The following CSGALNACT1 variants were observed in gnomAD, a reference collection of about 807,000 sequenced individuals.
CSGALNACT1 encodes beta4GalNAcT-1.
In CSGALNACT1, 52 loss-of-function variants were observed where a neutral mutation model predicts 51.0. The observed-to-expected ratio is 1.02, with a 90% confidence interval of 0.82 to 1.29. CSGALNACT1 has a LOEUF of 1.29. Ranked by LOEUF, CSGALNACT1 falls within the 50% of genes most tolerant of loss-of-function variation. CSGALNACT1 has a pLI of 0.00. For missense variants in CSGALNACT1, 935 were observed against 679.2 expected (o/e 1.38, Z -4.19); for synonymous variants, 341 against 254.4 (o/e 1.34, Z -3.24).
Position 19,739,744 on chromosome 8 carries a change from C to G in CSGALNACT1, c.-297+18106G>C, listed in dbSNP as rs148961448. On this transcript the variant is annotated intron_variant, in intron 1 of 1. Transcript: ENST00000517494. ...GCGCCATGAGCACGAGGAATCTATT[C>G]CTAGGATGTGGGAGCAGTGAAGTAG... 3.0e-4 allele frequency among the ~76,000 whole-genome samples: 46 copies of G among 152,310 alleles called. No individual in the cohort carries two copies. In the East Asian group the frequency reaches 8.7e-3, roughly 29 times the overall value.
intron 5 of CSGALNACT1, among the ~76,000 whole-genome samples, chr8:19,455,301 G>C (rs1383247066): frequency 6.6e-6 from 1 of 152,034 alleles, no homozygotes; most frequent in African/African-American, 2.4e-5. Context: ...TAAATATTTA[G>C]AAAACAGAGG....
intron 3 of CSGALNACT1, among the ~76,000 whole-genome samples, chr8:19,574,957 C>A (rs2043843266): frequency 6.6e-6 from 1 of 151,990 alleles, no homozygotes. Context: ...ATCTCTTGAA[C>A]CCTGGAAGTG....
intron 1 of CSGALNACT1, among the ~76,000 whole-genome samples, chr8:19,645,532 C>T (rs934878667): frequency 6.6e-5 from 10 of 152,204 alleles, no homozygotes; most frequent in Non-Finnish European, 1.0e-4. Context: ...CATCCATTTC[C>T]GCAGCTGTCA....
At chr8:19,528,110 C>G (rs1019140123) in intron 3 of CSGALNACT1, among the ~76,000 whole-genome samples, 5 of 152,068 alleles carry the variant, frequency 3.3e-5, no homozygotes, top group African/African-American at 1.2e-4. Context: ...TGAGGCTCTG[C>G]CTGAGTAGGT....
chr8:19,513,436 C>CTCTATATATATATATATATATA lies in CSGALNACT1; in HGVS notation c.-296-7307_-296-7306insTATATATATATATATATATAGA. On this transcript the variant is annotated intron_variant, in intron 3 of 9. Coordinates refer to ENST00000454498, the Ensembl canonical transcript of CSGALNACT1. ...TCTCACTCTCTCTCTCTCTCTCTCTCTATATATATATATATATATATATAT... is the reference window on the plus strand; with the variant it reads ...TCTCACTCTCTCTCTCTCTCTCTCTCTCTATATATATATATATATATATATATATATATATATATATATATAT... Among the ~76,000 whole-genome samples, 50 of 81,948 alleles carry CTCTATATATATATATATATATA rather than the reference C, an allele frequency of 6.1e-4. 1 individual carries two copies. Among genetic ancestry groups the CTCTATATATATATATATATATA allele is most frequent in the Non-Finnish European group, 8.2e-4 (32 of 38,976 alleles). 53.8% of individuals were successfully genotyped at this position (81,948 alleles called of 152,430 possible). A position where few individuals can be genotyped will look rare whatever the true frequency, so the allele number is the denominator to read the frequency against.
chr8:19,703,791 C>T (rs945286553), intron 1 of CSGALNACT1, among the ~76,000 whole-genome samples: 8 of 152,212 alleles, frequency 5.3e-5, no homozygotes, highest in African/African-American at 1.7e-4. Context: ...ATATTCTACA[C>T]CAAGTAATTT....
intron 6 of CSGALNACT1, among the ~76,000 whole-genome samples, chr8:19,422,615 T>C (rs1165322885): frequency 2.6e-5 from 4 of 152,250 alleles, no homozygotes; most frequent in African/African-American, 9.6e-5. Context: ...ATTTTCTGTG[T>C]GTTGCATTGA....
At chr8:19,417,118 G>A (rs1351208170) in intron 8 of CSGALNACT1, among the ~76,000 whole-genome samples, 1 of 152,130 alleles carries the variant, frequency 6.6e-6, no homozygotes, top group Admixed American at 6.5e-5. Context: ...GCCTCCCAAA[G>A]TGCTGGCATT....
At chr8:19,669,645 G>GT (rs202246791) in intron 1 of CSGALNACT1, among the ~76,000 whole-genome samples, 5,512 of 151,718 alleles carry the variant, frequency 0.036, 340 homozygotes, top group African/African-American at 0.12. Context: ...TTTTTGTTTT[G>GT]TTTTTTTTAG....
intron 1 of CSGALNACT1, among the ~76,000 whole-genome samples, chr8:19,667,272 A>T (rs2059456025): frequency 6.6e-6 from 1 of 151,316 alleles, no homozygotes; most frequent in Non-Finnish European, 1.5e-5. Context: ...AAAAAAAAAA[A>T]AAAAATACAA....
intron 3 of CSGALNACT1, among the ~76,000 whole-genome samples, chr8:19,562,202 A>C (rs1274446470): frequency 6.6e-6 from 1 of 152,222 alleles, no homozygotes; most frequent in African/African-American, 2.4e-5. Flanking sequence ...CCCAGGCTTA[A>C]AGATATTATC....
intron 4 of CSGALNACT1, among the ~76,000 whole-genome samples, chr8:19,469,252 A>G (rs2067496032): frequency 6.6e-6 from 1 of 152,146 alleles, no homozygotes; most frequent in Non-Finnish European, 1.5e-5. Context: ...TTAGCAGGGC[A>G]TGGTGCTGTG....
chr8:19,564,475 A>G (rs1215835265), intron 3 of CSGALNACT1, among the ~76,000 whole-genome samples: 1 of 151,936 alleles, frequency 6.6e-6, no homozygotes, highest in African/African-American at 2.4e-5. Flanking sequence ...GAACTAGGTG[A>G]CAGGTCCTAA....
chr8:19,533,283 A>AT (rs933798373), intron 3 of CSGALNACT1, among the ~76,000 whole-genome samples: 1 of 151,774 alleles, frequency 6.6e-6, no homozygotes, highest in Admixed American at 6.6e-5. Context: ...CACCTAGCTA[A>AT]TTTTTTTATT....
chr8:19,559,275 A>C (rs1178484541), intron 3 of CSGALNACT1, among the ~76,000 whole-genome samples: 1 of 152,188 alleles, frequency 6.6e-6, no homozygotes, highest in Non-Finnish European at 1.5e-5. Flanking sequence ...TAGCTGATAA[A>C]ATTGAACATC....
At chr8:19,614,497 A>G (rs186007106) in intron 1 of CSGALNACT1, among the ~76,000 whole-genome samples, 72 of 152,342 alleles carry the variant, frequency 4.7e-4, no homozygotes, top group African/African-American at 1.7e-3. Context: ...ACAGATGAGT[A>G]AAGTACAATC....
At chr8:19,614,895 C>T (rs183051943) in intron 1 of CSGALNACT1, among the ~76,000 whole-genome samples, 2 of 152,192 alleles carry the variant, frequency 1.3e-5, no homozygotes, top group African/African-American at 4.8e-5. Flanking sequence ...GAGGGGTAAC[C>T]AGAAGACAGG....
intron 6 of CSGALNACT1, among the ~76,000 whole-genome samples, chr8:19,429,365 T>C (rs771381370): frequency 2.0e-5 from 3 of 152,096 alleles, no homozygotes; most frequent in Non-Finnish European, 4.4e-5. Flanking sequence ...TTAGTAGATA[T>C]GGGGTTTCAC....
intron 3 of CSGALNACT1, among the ~76,000 whole-genome samples, chr8:19,569,029 T>A (rs1006015880): frequency 1.3e-5 from 2 of 152,216 alleles, no homozygotes; most frequent in African/African-American, 4.8e-5. Context: ...ATTTTAACAC[T>A]GCAACTTCAT....
Sources: allele counts gnomAD v4.1 joint callset (sites outside exome capture counted in the v4.1 genomes callset), GRCh38; gene constraint gnomAD v4.1.1; transcripts MANE v1.5; gene names NCBI Gene and HGNC (gene_info 2026-07-23, HGNC 2026-07-21).